The following TRABD variants were observed in gnomAD, a reference collection of about 807,000 sequenced individuals.
TRABD encodes traB domain-containing protein.
A neutral mutation model predicts 39.6 loss-of-function variants in TRABD; 23 were observed. That is an observed-to-expected ratio of 0.58 (90% CI 0.42 to 0.82). The LOEUF is 0.82. TRABD is among the 40% of genes least tolerant of loss of function. The pLI, the probability that TRABD is intolerant of heterozygous loss-of-function variation, is 0.00. For synonymous variants in TRABD, 243 were observed against 232.1 expected (o/e 1.05, Z -0.43); for missense variants, 487 against 544.9 (o/e 0.89, Z 1.06).
At chr22:50,190,431 G>T (rs1219748605) in intron 1 of TRABD, among the ~76,000 whole-genome samples, 1 of 152,168 alleles carries the variant, frequency 6.6e-6, no homozygotes, top group South Asian at 2.1e-4. Context: ...ACCCTAGGCC[G>T]GCCTCAGAGG....
rs578256542 is a variant in TRABD, at chr22:50,188,342, A to T, written c.-35+2366A>T. 1.1e-4 allele frequency among the ~76,000 whole-genome samples: 17 copies of T among 152,300 alleles called. No homozygotes were observed. The East Asian group carries it at 3.3e-3, about 29-fold the overall frequency. On this transcript the variant is annotated intron_variant, in intron 1 of 9. Coordinates refer to ENST00000380909, the MANE Select transcript of TRABD (RefSeq NM_001320485.2). ...AGACTGGTCTTAAACTCCAGACCTC[A>T]GACAATTCTCCTACCTCAGCCTCTC...
chr22:50,186,796 CG>C (rs1191593471), intron 1 of TRABD, among the ~76,000 whole-genome samples: 1 of 152,238 alleles, frequency 6.6e-6, no homozygotes, highest in East Asian at 1.9e-4. Context: ...CCCCGCTGTG[CG>C]CAGCCCAAAC....
rs745493921 is a variant in TRABD at position 50,198,080 on chromosome 22, C to A, written c.850C>A (p.Pro284Thr). 1 of 1,612,610 alleles carries A rather than the reference C, an allele frequency of 6.2e-7. No individual in the cohort carries two copies. The highest frequency in any genetic ancestry group is 8.5e-7 in the Non-Finnish European group (1 of 1,179,662). The change falls in exon 9 of 10, where the codon CCC becomes ACC. Residue 284 changes from proline to threonine, a missense_variant. Around this residue, in one of 3 missense-constraint regions of TRABD, gnomAD observed 358 missense variants for 414.7 expected, o/e 0.86. Coordinates refer to ENST00000380909, the MANE Select transcript of TRABD (RefSeq NM_001320485.2). The surrounding 1 kb of genome is among the most constrained non-coding windows in gnomAD (Gnocchi z 7.9). ...LELPRASDAE[P>T]RKCVPSVVVG... ...CCCCTTGTCCTTCCCCACAGCCGAG[C>A]CCAGGAAGTGCGTCCCCTCCGTGGT...
chr22:50,186,000 G>A (rs1183672842), intron 1 of TRABD, 24 bp downstream of exon 1: 6 of 147,266 alleles, frequency 4.1e-5, no homozygotes, highest in Non-Finnish European at 7.6e-5. Context: ...CGCGGACGGC[G>A]CGTGCGTGAG....
chr22:50,197,015 A>G, intron 5 of TRABD: 1 of 549,836 alleles, frequency 1.8e-6, no homozygotes, highest in Non-Finnish European at 3.2e-6. Flanking sequence ...GTCTTTTCTG[A>G]AGGGAGCTAC....
intron 7 of TRABD, 69 bp from the exon 8 acceptor site, chr22:50,197,754 C>T (rs1449220884): frequency 1.3e-5 from 21 of 1,583,126 alleles, no homozygotes; most frequent in Non-Finnish European, 1.7e-5. Flanking sequence ...GCCCGGTGTC[C>T]ACAGTGCCAG....
chr22:50,189,314 G>T (rs1188744365), intron 1 of TRABD, among the ~76,000 whole-genome samples: 1 of 152,244 alleles, frequency 6.6e-6, no homozygotes, highest in Non-Finnish European at 1.5e-5. Context: ...TCCTGCCCAG[G>T]GTAGCACTGG....
Position 50,193,769 on chromosome 22 carries a change from C to T in TRABD, c.112+115C>T. 15 of 1,018,726 alleles carry T rather than the reference C, an allele frequency of 1.5e-5. No individual in the cohort carries two copies. In the South Asian group the frequency reaches 2.1e-4, roughly 14 times the overall value. The allele number at this position is 1,018,726 out of a possible 1,614,324, so 63.1% of individuals were successfully genotyped here. A position where few individuals can be genotyped will look rare whatever the true frequency, so the allele number is the denominator to read the frequency against. Reference sequence around the variant, plus strand: ...TTGGAGCTTGTGGTGAGCAGGGGCCCTGGCCGAGACCTGAGGTAGGTGCTG... The same window carrying T: ...TTGGAGCTTGTGGTGAGCAGGGGCCTTGGCCGAGACCTGAGGTAGGTGCTG... On this transcript the variant is annotated intron_variant, in intron 3 of 9. Coordinates refer to ENST00000380909, the MANE Select transcript of TRABD (RefSeq NM_001320485.2).
At position 50,197,539 on chromosome 22, in the gene TRABD, CAGA is replaced by C. The variant is rs2064158672; in HGVS notation, c.625_627del (p.Lys209del). On this transcript the variant is annotated inframe_deletion, in exon 7 of 10. Transcript: ENST00000380909. ...GGCCATCGCAGCGCTCTCCTTCTGG[CAGA>C]AGGTCAGGCTGGCTTGGGGCCTGTG... is the stretch of plus-strand genomic sequence containing the variant. 1 of 1,613,668 alleles carries C rather than the reference CAGA, an allele frequency of 6.2e-7. No individual in the cohort carries two copies. Among genetic ancestry groups the C allele is most frequent in the Non-Finnish European group, 8.5e-7 (1 of 1,180,028 alleles).
intron 5 of TRABD, among the ~76,000 whole-genome samples, chr22:50,195,703 A>G (rs143815611): frequency 0.013 from 2,036 of 152,002 alleles, 29 homozygotes; most frequent in African/African-American, 0.035. Flanking sequence ...AGCTCAGGCA[A>G]TCCACCCACC....
chr22:50,190,000 G>A (rs899633488), intron 1 of TRABD, among the ~76,000 whole-genome samples: 4 of 152,234 alleles, frequency 2.6e-5, no homozygotes, highest in Non-Finnish European at 5.9e-5. Flanking sequence ...AAATGTCTGA[G>A]AGCACAGCTG....
chr22:50,198,972 C>T lies in TRABD; in HGVS notation c.*453C>T, dbSNP rs1028005496. Reference sequence around the variant, plus strand: ...GCAGGCGAGACTGGGAAAGGCCCAGCCCTGGAGCTCCAGCCGACCCCACCG... The same window carrying T: ...GCAGGCGAGACTGGGAAAGGCCCAGTCCTGGAGCTCCAGCCGACCCCACCG... On this transcript the variant is annotated 3_prime_UTR_variant, in exon 10 of 10. Transcript: ENST00000380909. The surrounding 1 kb of genome is among the most constrained non-coding windows in gnomAD (Gnocchi z 7.9). The T allele has an allele frequency of 4.8e-6, 3 of 623,436 alleles. No individual in the cohort carries two copies. Among genetic ancestry groups the T allele is most frequent in the Non-Finnish European group, 8.9e-6 (3 of 338,020 alleles). The allele number at this position is 623,436 out of a possible 1,614,324, so 38.6% of individuals were successfully genotyped here.
At chr22:50,195,574 C>T (rs554945172) in intron 5 of TRABD, among the ~76,000 whole-genome samples, 100 of 152,088 alleles carry the variant, frequency 6.6e-4, no homozygotes, top group African/African-American at 2.3e-3. Context: ...GTGATGCTCC[C>T]GCCTCAGCCT....
chr22:50,189,171 G>A (rs898319436), intron 1 of TRABD, among the ~76,000 whole-genome samples: 3 of 152,182 alleles, frequency 2.0e-5, no homozygotes, highest in Admixed American at 6.5e-5. Context: ...GCTCGAGGCC[G>A]AGGCTGACCG....
intron 2 of TRABD, 135 bp from the exon 3 acceptor site, chr22:50,193,441 C>T: frequency 1.2e-6 from 1 of 859,102 alleles, no homozygotes; most frequent in Middle Eastern, 2.3e-4. Context: ...GTCACGGGCC[C>T]TCGTTTTTCA....
Position 50,198,641 on chromosome 22 carries a change from C to G in TRABD, c.*122C>G, listed in dbSNP as rs1602476454. On this transcript the variant is annotated 3_prime_UTR_variant, in exon 10 of 10. Transcript: ENST00000380909. The surrounding 1 kb of genome is among the most constrained non-coding windows in gnomAD (Gnocchi z 7.9). ...ACCCCCCATGGGGGTCTGGGCCCGG[C>G]CTCGCCTGCCCTCCTGGGCCAGTCA... 3.1e-6 allele frequency: 3 copies of G among 979,622 alleles called. No individual in the cohort carries two copies. Among genetic ancestry groups the G allele is most frequent in the Non-Finnish European group, 4.3e-6 (3 of 698,250 alleles). 60.7% of individuals were successfully genotyped at this position (979,622 alleles called of 1,614,324 possible).
chr22:50,196,702 C>T (rs1180864034), intron 5 of TRABD, among the ~76,000 whole-genome samples: 1 of 150,692 alleles, frequency 6.6e-6, no homozygotes, highest in Non-Finnish European at 1.5e-5. Context: ...AAGGCCTTTT[C>T]TTCTTCTTTT....
At position 50,198,021 on chromosome 22, in the gene TRABD, C is replaced by A. The variant is rs776943238; in HGVS notation, c.844+26C>A. On this transcript the variant is annotated intron_variant, in intron 8 of 9. Coordinates refer to ENST00000380909, the MANE Select transcript of TRABD (RefSeq NM_001320485.2). This position sits in a 1 kb window ranked among gnomAD's most constrained non-coding sequence, Gnocchi z 7.9. ...GTGACGGCCGCCCGCAGGCGTGGGACCCCCTGTGAGGCTGAGGCCCGAGCA... is the reference window on the plus strand; with the variant it reads ...GTGACGGCCGCCCGCAGGCGTGGGAACCCCTGTGAGGCTGAGGCCCGAGCA... 3 of 1,610,586 alleles carry A rather than the reference C, an allele frequency of 1.9e-6. No individual in the cohort carries two copies. The highest frequency in any genetic ancestry group is 1.1e-5 in the South Asian group (1 of 90,952).
At position 50,189,152 on chromosome 22, in the gene TRABD, G is replaced by A. The variant is rs190953264; in HGVS notation, c.-35+3176G>A. Among the ~76,000 whole-genome samples the A allele has an allele frequency of 2.1e-4, 32 of 152,306 alleles. No homozygotes were observed. The East Asian group carries it at 5.8e-3, about 28-fold the overall frequency. On this transcript the variant is annotated intron_variant, in intron 1 of 9. Transcript: ENST00000380909. ...CTGCCTTCGGGACAGACTGTGCTGCGGCAGAGAAGCTCGAGGCCGAGGCTG... is the reference window on the plus strand; with the variant it reads ...CTGCCTTCGGGACAGACTGTGCTGCAGCAGAGAAGCTCGAGGCCGAGGCTG...
Sources: gnomAD v4.1 joint callset for allele counts (sites outside exome capture counted in the v4.1 genomes callset) on GRCh38, gnomAD v4.1.1 for gene constraint, gnomAD v4.1.1 regional missense constraint, Gnocchi (gnomAD v3.1) non-coding constraint, MANE v1.5 for transcripts, NCBI Gene and HGNC (gene_info 2026-07-23, HGNC 2026-07-21) for gene names.